EYS: variants seen among roughly 807,000 people sequenced by gnomAD.
EYS encodes the protein EGF-like photoreceptor maintenance factor.
EYS carries 250 observed loss-of-function variants against 282.1 expected under a neutral mutation model. The observed-to-expected ratio is 0.89, with a 90% CI of 0.80 to 0.98. The LOEUF (loss-of-function observed/expected upper bound fraction) is 0.98. Among genes scored for constraint, EYS ranks in the 50% least tolerant of loss-of-function variants. EYS has a pLI of 0.00. For missense variants in EYS, 4,016 were observed against 3,709.0 expected (o/e 1.08, Z -2.15); for synonymous variants, 1,355 against 1,282.9 (o/e 1.06, Z -1.20).
intron 31 of EYS, among the ~76,000 whole-genome samples, chr6:64,181,920 C>T (rs1031129731): frequency 6.6e-6 from 1 of 151,954 alleles, no homozygotes; most frequent in Non-Finnish European, 1.5e-5. Flanking sequence ...GATGTTATCT[C>T]GGATTTGGCA....
chr6:64,252,024 A>C (rs1767233693), intron 30 of EYS, among the ~76,000 whole-genome samples: 1 of 152,156 alleles, frequency 6.6e-6, no homozygotes, highest in Non-Finnish European at 1.5e-5. Flanking sequence ...TGGAAAATGT[A>C]ATACATTTTA....
intron 28 of EYS, among the ~76,000 whole-genome samples, chr6:64,407,644 T>A (rs1171051260): frequency 6.6e-6 from 1 of 152,202 alleles, no homozygotes; most frequent in Non-Finnish European, 1.5e-5. Flanking sequence ...TTATATGCTA[T>A]TTTAAGAATT....
intron 2 of EYS, among the ~76,000 whole-genome samples, chr6:65,575,671 A>T (rs896293489): frequency 6.6e-6 from 1 of 152,012 alleles, no homozygotes; most frequent in African/African-American, 2.4e-5. Context: ...TGTTCTTTTA[A>T]ACTAAACAAA....
intron 12 of EYS, among the ~76,000 whole-genome samples, chr6:65,260,444 A>G (rs1305493755): frequency 6.6e-6 from 1 of 151,808 alleles, no homozygotes; most frequent in South Asian, 2.1e-4. Context: ...TCTTATTATT[A>G]TTTCCTAGAA....
chr6:65,552,614 T>C (rs1380270332), intron 2 of EYS, among the ~76,000 whole-genome samples: 1 of 152,182 alleles, frequency 6.6e-6, no homozygotes, highest in Non-Finnish European at 1.5e-5. Context: ...AAATTTTCAA[T>C]TTATTAATCA....
intron 26 of EYS, among the ~76,000 whole-genome samples, chr6:64,504,269 T>C (rs1202597508): frequency 6.6e-6 from 1 of 152,174 alleles, no homozygotes; most frequent in Non-Finnish European, 1.5e-5. Flanking sequence ...TTTATAATTA[T>C]TCCCTCAAGT....
At chr6:64,589,708 T>G (rs1766338830) in intron 26 of EYS, among the ~76,000 whole-genome samples, 1 of 152,022 alleles carries the variant, frequency 6.6e-6, no homozygotes, top group African/African-American at 2.4e-5. Flanking sequence ...TGAAATTAAC[T>G]TATATTCTGA....
intron 18 of EYS, among the ~76,000 whole-genome samples, chr6:64,888,147 A>T (rs1489354289): frequency 6.6e-6 from 1 of 151,990 alleles, no homozygotes. Context: ...GAGAGGGGAT[A>T]GGAAAGATTG....
intron 19 of EYS, among the ~76,000 whole-genome samples, chr6:64,828,928 G>A (rs953205832): frequency 5.3e-5 from 8 of 152,092 alleles, no homozygotes; most frequent in South Asian, 4.1e-4. Flanking sequence ...CTTCCTTAAA[G>A]CCTTATTAAG....
intron 7 of EYS, among the ~76,000 whole-genome samples, chr6:65,387,533 T>C (rs1230303176): frequency 1.3e-5 from 2 of 151,544 alleles, no homozygotes; most frequent in African/African-American, 2.4e-5. Flanking sequence ...AAATTATTAC[T>C]GTATTAAAAT....
intron 7 of EYS, among the ~76,000 whole-genome samples, chr6:65,401,293 C>T (rs1214754631): frequency 6.6e-6 from 1 of 150,480 alleles, no homozygotes; most frequent in Non-Finnish European, 1.5e-5. Flanking sequence ...TTTTCAACTT[C>T]ATACTTAATT....
intron 31 of EYS, among the ~76,000 whole-genome samples, chr6:64,089,642 GAAT>G (rs1269246917): frequency 1.3e-5 from 2 of 151,722 alleles, no homozygotes; most frequent in African/African-American, 2.4e-5. Flanking sequence ...ACACTTACTT[GAAT>G]AATTTCTTCA....
chr6:65,361,203 G>T (rs918105550), intron 8 of EYS, among the ~76,000 whole-genome samples: 55 of 152,128 alleles, frequency 3.6e-4, no homozygotes, highest in Middle Eastern at 3.4e-3. Flanking sequence ...ACACACCGGG[G>T]CCTGTTGTGA....
At chr6:64,989,638 T>C (rs1054964568) in intron 14 of EYS, among the ~76,000 whole-genome samples, 2 of 144,146 alleles carry the variant, frequency 1.4e-5, no homozygotes, top group Non-Finnish European at 3.0e-5. Flanking sequence ...ATAAATTAAA[T>C]ACATAATTAT....
chr6:65,329,352 C>T (rs1049905678), intron 11 of EYS: 1 of 858,468 alleles, frequency 1.2e-6, no homozygotes, highest in African/African-American at 1.8e-5. Flanking sequence ...ATGATATGTA[C>T]TCTAGAATTG....
intron 2 of EYS, among the ~76,000 whole-genome samples, chr6:65,572,249 A>G (rs951245945): frequency 6.6e-6 from 1 of 152,150 alleles, no homozygotes; most frequent in Non-Finnish European, 1.5e-5. Flanking sequence ...AAATTTATAT[A>G]GCAGTCTTTC....
intron 35 of EYS, among the ~76,000 whole-genome samples, chr6:63,929,225 T>C (rs1764814016): frequency 6.6e-6 from 1 of 152,214 alleles, no homozygotes; most frequent in Admixed American, 6.5e-5. Flanking sequence ...TCCCCTCTAC[T>C]AAACAAAAGC....
intron 31 of EYS, among the ~76,000 whole-genome samples, chr6:64,230,019 G>A (rs1766372566): frequency 6.6e-6 from 1 of 152,118 alleles, no homozygotes; most frequent in South Asian, 2.1e-4. Flanking sequence ...GGTGTTTCTG[G>A]CTTTAGTTGT....
chr6:65,510,004 T>C (rs1766802574), intron 2 of EYS, among the ~76,000 whole-genome samples: 1 of 151,446 alleles, frequency 6.6e-6, no homozygotes. Flanking sequence ...CTGGAGAAAA[T>C]TTTCTTTTTT....
Sources: allele counts gnomAD v4.1 joint callset (sites outside exome capture counted in the v4.1 genomes callset), GRCh38; gene constraint gnomAD v4.1.1; transcripts MANE v1.5; gene names NCBI Gene and HGNC (gene_info 2026-07-23, HGNC 2026-07-21).